The following MIPOL1 variants were observed in gnomAD, a reference collection of about 807,000 sequenced individuals.
MIPOL1 encodes the protein mirror-image polydactyly 1.
Under a neutral mutation model 60.9 loss-of-function variants are expected in MIPOL1, and 57 were observed. The ratio of observed to expected loss-of-function variants is 0.94; its 90% CI spans 0.76 to 1.17. MIPOL1 has a LOEUF of 1.17. Ranked by LOEUF, MIPOL1 falls within the 50% of genes most tolerant of loss-of-function variation. The probability of loss-of-function intolerance (pLI) is 0.00; values close to 1 mark genes in which losing one functional copy is unlikely to be tolerated. For missense variants in MIPOL1, 551 were observed against 511.6 expected (o/e 1.08, Z -0.74); for synonymous variants, 179 against 168.8 (o/e 1.06, Z -0.47).
intron 10 of MIPOL1, among the ~76,000 whole-genome samples, chr14:37,402,166 C>T (rs1053393636): frequency 6.6e-6 from 1 of 152,026 alleles, no homozygotes; most frequent in African/African-American, 2.4e-5. Flanking sequence ...GATTATATAT[C>T]ACATGATTTA....
At chr14:37,361,022 T>G (rs2092202488) in intron 9 of MIPOL1, among the ~76,000 whole-genome samples, 1 of 152,242 alleles carries the variant, frequency 6.6e-6, no homozygotes, top group Non-Finnish European at 1.5e-5. Flanking sequence ...CGTTGTATCT[T>G]TGTTCTCACT....
At chr14:37,356,581 C>T (rs534184175) in intron 9 of MIPOL1, among the ~76,000 whole-genome samples, 14 of 152,252 alleles carry the variant, frequency 9.2e-5, no homozygotes, top group South Asian at 2.1e-4. Flanking sequence ...TAGGACCCTC[C>T]GAGCCAGGTG....
At chr14:37,469,615 C>A (rs2094650925) in intron 11 of MIPOL1, among the ~76,000 whole-genome samples, 1 of 152,044 alleles carries the variant, frequency 6.6e-6, no homozygotes, top group African/African-American at 2.4e-5. Context: ...TGAATGTGTC[C>A]CCCAGAAGTT....
chr14:37,412,696 A>C (rs1317974857), intron 10 of MIPOL1, among the ~76,000 whole-genome samples: 1 of 152,136 alleles, frequency 6.6e-6, no homozygotes, highest in Non-Finnish European at 1.5e-5. Context: ...TGTGAGGGTG[A>C]TGGAAATAAT....
At chr14:37,334,373 T>G (rs1259770772) in intron 9 of MIPOL1, among the ~76,000 whole-genome samples, 2 of 152,126 alleles carry the variant, frequency 1.3e-5, no homozygotes, top group African/African-American at 4.8e-5. Context: ...AGTTATGCTA[T>G]CTGATTTTAA....
intron 3 of MIPOL1, among the ~76,000 whole-genome samples, chr14:37,255,406 T>C (rs1974769093): frequency 6.6e-6 from 1 of 151,786 alleles, no homozygotes; most frequent in Admixed American, 6.6e-5. Context: ...TAAAGGTATT[T>C]TAAATACATT....
intron 11 of MIPOL1, among the ~76,000 whole-genome samples, chr14:37,448,351 G>A (rs1401806991): frequency 6.6e-6 from 1 of 152,186 alleles, no homozygotes; most frequent in Non-Finnish European, 1.5e-5. Flanking sequence ...GAATCAACAT[G>A]TCCTGTACAT....
At chr14:37,219,218 G>A (rs1968327116) in intron 1 of MIPOL1, among the ~76,000 whole-genome samples, 1 of 152,140 alleles carries the variant, frequency 6.6e-6, no homozygotes, top group Non-Finnish European at 1.5e-5. Context: ...AAAGATGGAG[G>A]ATTCTCAGTA....
chr14:37,358,002 C>T (rs1237264747), intron 9 of MIPOL1, among the ~76,000 whole-genome samples: 1 of 151,760 alleles, frequency 6.6e-6, no homozygotes, highest in East Asian at 1.9e-4. Flanking sequence ...TTCCTGCCCC[C>T]TGAGAGGCCC....
At position 37,335,711 on chromosome 14, in the gene MIPOL1, A is replaced by G. The variant is rs550774674; in HGVS notation, c.828+27192A>G. Among the ~76,000 whole-genome samples, 34 of 152,154 alleles carry G rather than the reference A, an allele frequency of 2.2e-4. 1 individual carries two copies. The highest frequency in any genetic ancestry group is 4.1e-4 in the South Asian group (2 of 4,832). On this transcript the variant is annotated intron_variant, in intron 9 of 12. Transcript: ENST00000684589. ...CTTTGGCCATTGTGAATAATGCTGC[A>G]ATTTATATATTTTCATTGGAGAAAT...
At chr14:37,203,422 A>G (rs1047882950) in intron 1 of MIPOL1, among the ~76,000 whole-genome samples, 1 of 152,212 alleles carries the variant, frequency 6.6e-6, no homozygotes, top group Non-Finnish European at 1.5e-5. Flanking sequence ...CATAGTTACT[A>G]GAACCTATTT....
In MIPOL1 at chr14:37,229,513, C is replaced by CAAAACAAAAAAAAATT. The variant is rs1970294113; in HGVS notation, c.-198-17590_-198-17589insAAAACAAAAAAAAATT. ...AAAAACAAAACAAAACCCAAAAAGC[C>CAAAACAAAAAAAAATT]CATTGGTTATATGAATTAACATTAC... On this transcript the variant is annotated intron_variant, in intron 1 of 12. Coordinates refer to ENST00000684589, the MANE Select transcript of MIPOL1 (RefSeq NM_001388067.1). Among the ~76,000 whole-genome samples the CAAAACAAAAAAAAATT allele has an allele frequency of 3.9e-5, 6 of 152,044 alleles. 1 individual carries two copies. Among genetic ancestry groups the CAAAACAAAAAAAAATT allele is most frequent in the Admixed American group, 3.9e-4 (6 of 15,240 alleles).
At chr14:37,480,655 G>A (rs1450243707) in intron 11 of MIPOL1, among the ~76,000 whole-genome samples, 1 of 152,240 alleles carries the variant, frequency 6.6e-6, no homozygotes, top group Admixed American at 6.5e-5. Flanking sequence ...ATCAGACAAG[G>A]ATGCCAGCTC....
At chr14:37,316,836 G>T (rs2087960501) in intron 9 of MIPOL1, among the ~76,000 whole-genome samples, 1 of 151,994 alleles carries the variant, frequency 6.6e-6, no homozygotes, top group African/African-American at 2.4e-5. Flanking sequence ...AAATTAGCTG[G>T]GCGCAGTGGC....
intron 7 of MIPOL1, 147 bp downstream of exon 7, chr14:37,285,594 T>TTA: frequency 1.2e-6 from 1 of 842,748 alleles, no homozygotes; most frequent in Non-Finnish European, 1.7e-6. Flanking sequence ...TTTTTTTCTT[T>TTA]TCTTTTTTTT....
In MIPOL1 at chr14:37,396,965, T is replaced by C. The variant is rs1041748261; in HGVS notation, c.937-25890T>C. 3.3e-5 allele frequency: 5 copies of C among 152,206 alleles called. No homozygotes were observed. In the East Asian group the frequency reaches 9.6e-4, roughly 29 times the overall value. 9.4% of individuals were successfully genotyped at this position (152,206 alleles called of 1,614,324 possible). The stretch of plus-strand genomic sequence containing the variant: ...TTAGCTTAATAACTAACCTCCTGAA[T>C]TCTTTTTCAGGTAAATGAGGGATTT... On this transcript the variant is annotated intron_variant, in intron 10 of 12. Coordinates refer to ENST00000684589, the MANE Select transcript of MIPOL1 (RefSeq NM_001388067.1).
chr14:37,310,456 A>G (rs189156515), intron 9 of MIPOL1, among the ~76,000 whole-genome samples: 1 of 152,184 alleles, frequency 6.6e-6, no homozygotes, highest in East Asian at 1.9e-4. Flanking sequence ...CATTTCATCT[A>G]CTAGCCTACC....
At chr14:37,449,245 T>TA (rs915426105) in intron 11 of MIPOL1, among the ~76,000 whole-genome samples, 18 of 150,486 alleles carry the variant, frequency 1.2e-4, no homozygotes, top group East Asian at 3.9e-4. Context: ...ATATTACCAT[T>TA]AAAAAAAAAT....
At chr14:37,466,563 C>G (rs2094600664) in intron 11 of MIPOL1, among the ~76,000 whole-genome samples, 1 of 152,142 alleles carries the variant, frequency 6.6e-6, no homozygotes. Context: ...TCACTCTATG[C>G]AATGCCATTG....
Sources: allele counts gnomAD v4.1 joint callset (sites outside exome capture counted in the v4.1 genomes callset), GRCh38; gene constraint gnomAD v4.1.1; transcripts MANE v1.5; gene names NCBI Gene and HGNC (gene_info 2026-07-23, HGNC 2026-07-21).